The following GPHN variants were observed in gnomAD, a reference collection of about 807,000 sequenced individuals.
The protein encoded by GPHN is gephyrin.
A neutral mutation model predicts 95.5 loss-of-function variants in GPHN; 17 were observed. The observed-to-expected ratio is 0.18, with a 90% CI of 0.12 to 0.27. The LOEUF is 0.27. Ranked by LOEUF, GPHN falls within the 10% of genes least tolerant of loss-of-function variation. GPHN has a pLI of 1.00. For synonymous variants in GPHN, 320 were observed against 322.5 expected, an observed-to-expected ratio of 0.99 and a Z score of 0.08; for missense variants, 660 against 978.1, an observed-to-expected ratio of 0.67 and a Z score of 4.34.
chr14:67,237,914 G>T, the GPHN span, among the ~76,000 whole-genome samples: 6 of 152,036 alleles, frequency 3.9e-5, no homozygotes, highest in African/African-American at 1.4e-4. Context: ...ATTCTATTTT[G>T]GGGGGAATAT....
chr14:66,879,752 C>T (rs2063841383), intron 4 of GPHN, among the ~76,000 whole-genome samples, 187 bp from the exon 5 acceptor site: 1 of 151,990 alleles, frequency 6.6e-6, no homozygotes, highest in Non-Finnish European at 1.5e-5. Context: ...TTTTCTTGGT[C>T]CTCAGCTTTT....
the GPHN span, among the ~76,000 whole-genome samples, chr14:67,711,509 T>C: frequency 2.0e-5 from 3 of 152,250 alleles, no homozygotes; most frequent in African/African-American, 7.2e-5. Context: ...TATTTGATGA[T>C]TTAAGTGCTT....
intron 10 of GPHN, among the ~76,000 whole-genome samples, chr14:67,039,153 A>G (rs1336338139): frequency 6.6e-6 from 1 of 152,182 alleles, no homozygotes; most frequent in Non-Finnish European, 1.5e-5. Flanking sequence ...TGAATTGACC[A>G]GCCTTATACC....
the GPHN span, chr14:67,725,113 A>G: frequency 9.3e-6 from 15 of 1,614,042 alleles, no homozygotes; most frequent in Admixed American, 2.5e-4. Context: ...CCGAGTCTAT[A>G]TTGCCTGCAG....
At chr14:67,695,765 C>G in the GPHN span, 2 of 1,500,232 alleles carry the variant, frequency 1.3e-6, no homozygotes, top group Non-Finnish European at 1.8e-6. Context: ...ACTATGGCTT[C>G]TCTTTCTAGA....
At chr14:67,009,289 A>G (rs2072820936) in intron 9 of GPHN, among the ~76,000 whole-genome samples, 1 of 152,166 alleles carries the variant, frequency 6.6e-6, no homozygotes, top group Non-Finnish European at 1.5e-5. Context: ...TGAGCTTGGC[A>G]TAGCTGCTTT....
the GPHN span, among the ~76,000 whole-genome samples, chr14:67,710,951 C>T: frequency 6.6e-6 from 1 of 152,072 alleles, no homozygotes; most frequent in South Asian, 2.1e-4. Flanking sequence ...TATGGAACCA[C>T]CATTGCAAAA....
intron 1 of GPHN, among the ~76,000 whole-genome samples, chr14:66,534,238 G>A (rs113522363): frequency 2.6e-5 from 4 of 152,122 alleles, no homozygotes. Context: ...TCAAGATGTA[G>A]AACATCTCCA....
chr14:67,502,254 C>T, the GPHN span, among the ~76,000 whole-genome samples: 1 of 151,604 alleles, frequency 6.6e-6, no homozygotes, highest in Non-Finnish European at 1.5e-5. Context: ...TCACTTGAAC[C>T]TGGGAGGTGG....
At chr14:67,143,191 G>A (rs2080595989) in intron 17 of GPHN, 171 bp from the exon 18 acceptor site, 1 of 624,304 alleles carries the variant, frequency 1.6e-6, no homozygotes, top group African/African-American at 1.8e-5. Context: ...TCCATAATAA[G>A]ACTTAATGCT....
the GPHN span, among the ~76,000 whole-genome samples, chr14:67,352,435 A>G: frequency 6.6e-6 from 1 of 151,996 alleles, no homozygotes; most frequent in African/African-American, 2.4e-5. Flanking sequence ...TCAAAAAAAA[A>G]AAAAAAAGAA....
the GPHN span, among the ~76,000 whole-genome samples, chr14:67,322,262 C>T: frequency 4.6e-5 from 7 of 152,048 alleles, no homozygotes; most frequent in Non-Finnish European, 8.8e-5. Flanking sequence ...GTGGGAAAAT[C>T]GCCTGAGCCA....
chr14:67,186,195 T>C (rs1045370012), downstream of GPHN, among the ~76,000 whole-genome samples: 70 of 151,794 alleles, frequency 4.6e-4, no homozygotes, highest in African/African-American at 1.7e-3. Context: ...GAGAATACAA[T>C]GATGAATGAG....
the GPHN span, chr14:67,303,682 A>C: frequency 1.1e-6 from 1 of 944,214 alleles, no homozygotes; most frequent in Non-Finnish European, 1.7e-6. Context: ...CAGAAATGTC[A>C]CTGTTTCCTG....
At chr14:67,554,854 T>G in the GPHN span, among the ~76,000 whole-genome samples, 1 of 152,172 alleles carries the variant, frequency 6.6e-6, no homozygotes, top group Non-Finnish European at 1.5e-5. Context: ...TATCCAGAAT[T>G]TCCATGCTCC....
the GPHN span, among the ~76,000 whole-genome samples, chr14:67,597,233 T>C: frequency 6.6e-6 from 1 of 152,268 alleles, no homozygotes; most frequent in African/African-American, 2.4e-5. Context: ...ATCCCAACAC[T>C]TTGGGAGGCC....
chr14:66,856,907 A>G (rs2062827785), intron 4 of GPHN, among the ~76,000 whole-genome samples: 1 of 152,072 alleles, frequency 6.6e-6, no homozygotes, highest in African/African-American at 2.4e-5. Flanking sequence ...AATTCAGTGT[A>G]TTTTTTTCCT....
In GPHN at chr14:67,061,479, G is replaced by A. The variant is rs192178418; in HGVS notation, c.1144+2693G>A. ...AATTCGTTATTAACACTCCCTACAC[G>A]CAACTCTTCAGCAGTTTTTTCATAA... On this transcript the variant is annotated intron_variant, in intron 11 of 22. Transcript: ENST00000478722. Among the ~76,000 whole-genome samples, 289 of 152,032 alleles carry A rather than the reference G, an allele frequency of 1.9e-3. 4 individuals carry two copies. Among genetic ancestry groups the A allele is most frequent in the Middle Eastern group, 3.4e-3 (1 of 292 alleles).
At chr14:66,628,686 T>G (rs1005077835) in intron 1 of GPHN, among the ~76,000 whole-genome samples, 2 of 152,126 alleles carry the variant, frequency 1.3e-5, no homozygotes, top group Non-Finnish European at 2.9e-5. Context: ...TACTTTAGCT[T>G]ACTTTAATTT....
Sources: gnomAD v4.1 joint callset for allele counts (sites outside exome capture counted in the v4.1 genomes callset) on GRCh38, gnomAD v4.1.1 for gene constraint, MANE v1.5 for transcripts, NCBI Gene and HGNC (gene_info 2026-07-23, HGNC 2026-07-21) for gene names.